Variants in PYGL observed in about 807,000 individuals in gnomAD.
The protein encoded by PYGL is glycogen phosphorylase, liver form.
A neutral mutation model predicts 100.1 loss-of-function variants in PYGL; 90 were observed. The ratio of observed to expected loss-of-function variants is 0.90; its 90% CI spans 0.76 to 1.07. PYGL has a LOEUF of 1.07. Among genes scored for constraint, PYGL ranks in the 50% least tolerant of loss-of-function variants. The pLI is 0.00. For missense variants in PYGL, 1,016 were observed against 1,057.6 expected (o/e 0.96, Z 0.55); for synonymous variants, 373 against 393.0 (o/e 0.95, Z 0.60).
Position 50,920,628 on chromosome 14 carries a change from G to C in PYGL, c.773-5C>G, listed in dbSNP as rs1475086701. ...GAATGTAGTCTCCAACATTAACTAG[G>C]GGAAAGTTAGAGAAACAATAAATAG... On this transcript the variant is annotated splice_region_variant and splice_polypyrimidine_tract_variant and intron_variant, in intron 6 of 19. Coordinates refer to ENST00000216392, the MANE Select transcript of PYGL (RefSeq NM_002863.5). 1 of 1,604,420 alleles carries C rather than the reference G, an allele frequency of 6.2e-7. No individual in the cohort carries two copies. Among genetic ancestry groups the C allele is most frequent in the Non-Finnish European group, 8.5e-7 (1 of 1,171,304 alleles).
intron 3 of PYGL, among the ~76,000 whole-genome samples, chr14:50,933,882 AC>A (rs1313618674): frequency 6.6e-6 from 1 of 152,212 alleles, no homozygotes; most frequent in Non-Finnish European, 1.5e-5. Context: ...TTTTTAAAAA[AC>A]AAATGGTATC....
chr14:50,913,051 C>G lies in PYGL; in HGVS notation c.1598G>C (p.Arg533Pro), dbSNP rs778002035. The G allele has an allele frequency of 2.5e-6, 4 of 1,613,926 alleles. No individual in the cohort carries two copies. In the South Asian group the frequency reaches 4.4e-5, roughly 18 times the overall value. The change falls in exon 13 of 20, where the codon CGG becomes CCG. Residue 533 changes from arginine (R) to proline (P), a missense_variant. Arg to Pro is a moderately radical substitution (Grantham distance 103, BLOSUM62 -2). Transcript: ENST00000216392. ...HSFLGDDVFL[R>P]ELAKVKQENK... ...CACCTGCTTCACCTTGGCGAGTTCC[C>G]GGAGGAAGACATCATCACCCAGGAA...
rs771278801 is a variant in PYGL at position 50,920,962 on chromosome 14, T to C, written c.766A>G (p.Arg256Gly). Reference protein sequence around the residue: ...SARAPNDFNLRDFNVGDYIQA... With the variant: ...SARAPNDFNLGDFNVGDYIQA... The stretch of plus-strand genomic sequence containing the variant: ...AGGCCTGTGCTGTACTCACAGTCTC[T>C]GAGGTTAAAGTCATTTGGTGCCCGA... The change falls in exon 6 of 20, where the codon AGA (arginine) becomes GGA (glycine). Residue 256 changes from arginine to glycine, a missense_variant. By Grantham distance (125) the Arg-to-Gly change is moderately radical. Coordinates refer to ENST00000216392, the MANE Select transcript of PYGL (RefSeq NM_002863.5). 2 of 1,612,254 alleles carry C rather than the reference T, an allele frequency of 1.2e-6. No individual in the cohort carries two copies. The highest frequency in any genetic ancestry group is 1.7e-6 in the Non-Finnish European group (2 of 1,178,256).
chr14:50,917,370 A>G (rs984406535), intron 7 of PYGL, among the ~76,000 whole-genome samples: 2 of 152,216 alleles, frequency 1.3e-5, no homozygotes, highest in African/African-American at 4.8e-5. Context: ...AGGCTGAAAA[A>G]CAGATGCATG....
At position 50,914,953 on chromosome 14, in the gene PYGL, C is replaced by G. The variant is rs2050431976; in HGVS notation, c.1404-138G>C. On this transcript the variant is annotated intron_variant, in intron 11 of 19. Coordinates refer to ENST00000216392, the MANE Select transcript of PYGL (RefSeq NM_002863.5). ...AAATAAAGGTGGAGGGACAGGCTGA[C>G]AGTAGCTATGGCTGTCATTTAAATA... The G allele has an allele frequency of 8.3e-6, 6 of 724,754 alleles. No individual in the cohort carries two copies. The Admixed American group carries it at 1.2e-4, about 15-fold the overall frequency. 44.9% of individuals were successfully genotyped at this position (724,754 alleles called of 1,614,324 possible).
intron 4 of PYGL, among the ~76,000 whole-genome samples, chr14:50,930,470 G>C (rs985344474): frequency 1.3e-5 from 2 of 152,096 alleles, no homozygotes; most frequent in African/African-American, 4.8e-5. Context: ...ATTTATTTGG[G>C]GGTAGCTAAA....
At chr14:50,914,487 ACT>A (rs1250535387) in intron 12 of PYGL, among the ~76,000 whole-genome samples, 5 of 138,108 alleles carry the variant, frequency 3.6e-5, no homozygotes, top group Non-Finnish European at 3.1e-5. Context: ...ATAGAGTGAA[ACT>A]CTGTCTCAAT....
At chr14:50,927,270 G>T (rs1042205375) in intron 4 of PYGL, among the ~76,000 whole-genome samples, 1 of 152,068 alleles carries the variant, frequency 6.6e-6, no homozygotes, top group Non-Finnish European at 1.5e-5. Context: ...TGTCGCCCAG[G>T]CTGGAGTCCA....
Position 50,912,241 on chromosome 14 carries a change from G to A in PYGL, c.1683C>T (p.Ser561=), listed in dbSNP as rs145471351. ...TCTTCACCTGGACATCAAACATGGA[G>A]GATGGGTTGATCTTCACTTTGTACT... ...ETEYKVKINP[S]SMFDVQVKRI... is the part of the protein sequence containing the mutation. Residue 561 remains serine (S), a synonymous_variant, in exon 14 of 20, where the codon TCC becomes TCT. Coordinates refer to ENST00000216392, the MANE Select transcript of PYGL (RefSeq NM_002863.5). The A allele has an allele frequency of 4.6e-4, 750 of 1,614,012 alleles. 2 individuals are homozygous for A. In the African/African-American group the frequency reaches 8.6e-3, roughly 18 times the overall value.
chr14:50,934,998 T>C, intron 3 of PYGL, 109 bp downstream of exon 3: 1 of 999,398 alleles, frequency 1.0e-6, no homozygotes, highest in Non-Finnish European at 1.6e-6. Flanking sequence ...AGGTCATACC[T>C]TGCGCTTCTT....
chr14:50,907,735 A>G (rs1458001812), intron 19 of PYGL, among the ~76,000 whole-genome samples: 7 of 152,164 alleles, frequency 4.6e-5, no homozygotes, highest in African/African-American at 1.7e-4. Flanking sequence ...TGACTTTTAA[A>G]AAACTTGGAT....
In PYGL at chr14:50,944,385, C is replaced by A. The variant is rs1275636644; in HGVS notation, c.19G>T (p.Asp7Tyr). The A allele has an allele frequency of 1.9e-6, 3 of 1,612,392 alleles. No individual in the cohort carries two copies. Among genetic ancestry groups the A allele is most frequent in the Admixed American group, 3.3e-5 (2 of 59,970 alleles). Residue 7 changes from aspartate to tyrosine, a missense_variant, in exon 1 of 20, where the codon GAC becomes TAC. By Grantham distance (160) the Asp-to-Tyr change is radical. Transcript: ENST00000216392. MAKPLTDQEKRRQISIR... is the reference protein window; with the variant it reads MAKPLTYQEKRRQISIR... ...CTGATCTGCCGCCGCTTCTCCTGGT[C>A]CGTCAGGGGCTTCGCCATGGCTGGG...
chr14:50,943,915 G>C (rs1051168003), intron 1 of PYGL, among the ~76,000 whole-genome samples: 3 of 152,234 alleles, frequency 2.0e-5, no homozygotes, highest in African/African-American at 7.2e-5. Flanking sequence ...AGGGGCGGAC[G>C]GCACAGTGGT....
intron 17 of PYGL, among the ~76,000 whole-genome samples, 190 bp downstream of exon 17, chr14:50,909,705 T>C (rs1260192855): frequency 6.6e-6 from 1 of 152,184 alleles, no homozygotes; most frequent in Admixed American, 6.5e-5. Context: ...GTACTTTTAT[T>C]TGCTGGGTTT....
Position 50,905,287 on chromosome 14 carries a change from A to G in PYGL, c.*105T>C. On this transcript the variant is annotated 3_prime_UTR_variant, in exon 20 of 20. Coordinates refer to ENST00000216392, the MANE Select transcript of PYGL (RefSeq NM_002863.5). Reference sequence around the variant, plus strand: ...AATTTCCCTCCCCATTCCCAGAGATACTCAACTATTATAGATTATTAGCTA... The same window carrying G: ...AATTTCCCTCCCCATTCCCAGAGATGCTCAACTATTATAGATTATTAGCTA... The G allele has an allele frequency of 9.2e-6, 11 of 1,190,870 alleles. No individual in the cohort carries two copies. The highest frequency in any genetic ancestry group is 1.4e-5 in the Non-Finnish European group (11 of 811,658). The allele number at this position is 1,190,870 out of a possible 1,614,324, so 73.8% of individuals were successfully genotyped here. A position where few individuals can be genotyped will look rare whatever the true frequency, so the allele number is the denominator to read the frequency against.
chr14:50,905,429 G>A lies in PYGL; in HGVS notation c.2507C>T (p.Ser836Phe), dbSNP rs765038633. ...WNVEPSDLKI[S>F]LSNESNKVNG... ...GACTTTGTTAGATTCATTGGATAGA[G>A]AAATCTTTAGATCTGAAGGTTCCAC... Residue 836 changes from serine (S) to phenylalanine (F), a missense_variant, in exon 20 of 20, where the codon TCT becomes TTT. Transcript: ENST00000216392. 1.2e-6 allele frequency: 2 copies of A among 1,613,750 alleles called. No individual in the cohort carries two copies. The highest frequency in any genetic ancestry group is 1.7e-6 in the Non-Finnish European group (2 of 1,179,656).
At chr14:50,915,568 A>T in intron 10 of PYGL, 69 bp from the exon 11 acceptor site, 1 of 1,584,320 alleles carries the variant, frequency 6.3e-7, no homozygotes, top group Non-Finnish European at 8.7e-7. Context: ...AACGCTGTTC[A>T]TGTCTTAAGC....
intron 1 of PYGL, among the ~76,000 whole-genome samples, chr14:50,940,420 T>G (rs183779389): frequency 1.3e-5 from 2 of 152,346 alleles, no homozygotes. Context: ...AGCACGAACT[T>G]AAGTCTTCTT....
rs376454133 is a variant in PYGL at position 50,907,212 on chromosome 14, A to G, written c.2379+1059T>C. Among the ~76,000 whole-genome samples the G allele has an allele frequency of 1.8e-3, 275 of 152,166 alleles. 3 individuals carry two copies. The highest frequency in any genetic ancestry group is 6.3e-3 in the African/African-American group (263 of 41,500). On this transcript the variant is annotated intron_variant, in intron 19 of 19. Transcript: ENST00000216392. Reference sequence around the variant, plus strand: ...CCCATCCCTTTTTTTTCCCCTCAGTATAGTATTGTCTTCCTTATTCTTCTT... The same window carrying G: ...CCCATCCCTTTTTTTTCCCCTCAGTGTAGTATTGTCTTCCTTATTCTTCTT...
Sources: gnomAD v4.1 joint callset for allele counts (sites outside exome capture counted in the v4.1 genomes callset) on GRCh38, gnomAD v4.1.1 for gene constraint, MANE v1.5 for transcripts, NCBI Gene and HGNC (gene_info 2026-07-23, HGNC 2026-07-21) for gene names.